Variants in CYREN observed in about 807,000 individuals in gnomAD.
CYREN encodes cell cycle regulator of NHEJ.
Under a neutral mutation model 9.7 loss-of-function variants are expected in CYREN, and 7 were observed. The observed-to-expected ratio is 0.72, with a 90% CI of 0.41 to 1.36. The LOEUF is 1.36. CYREN is among the 40% of genes most tolerant of loss of function. The pLI is 0.01. For synonymous variants in CYREN, 76 were observed against 77.9 expected (o/e 0.98, Z 0.13); for missense variants, 215 against 198.1 (o/e 1.09, Z -0.51).
chr7:135,169,186 C>T, intron 1 of CYREN, 126 bp from the exon 2 acceptor site: 1 of 341,458 alleles, frequency 2.9e-6, no homozygotes, highest in South Asian at 4.0e-5. Context: ...TCACAGGCAT[C>T]AGGCAGGTGT....
chr7:135,159,203 A>C (rs1829867794), intron 2 of CYREN, among the ~76,000 whole-genome samples: 1 of 152,186 alleles, frequency 6.6e-6, no homozygotes, highest in East Asian at 1.9e-4. Flanking sequence ...TCTCCTAGAC[A>C]ATCTGTTCAA....
chr7:135,157,239 T>C (rs1366293254), intron 2 of CYREN, among the ~76,000 whole-genome samples: 1 of 152,232 alleles, frequency 6.6e-6, no homozygotes, highest in Non-Finnish European at 1.5e-5. Context: ...TAAGGGAGAA[T>C]TTTTTCCTGA....
At chr7:135,163,535 C>T (rs1830002216), downstream of CYREN, among the ~76,000 whole-genome samples, 1 of 152,116 alleles carries the variant, frequency 6.6e-6, no homozygotes. Flanking sequence ...GTCCCAGCTA[C>T]TCGGGAGGCT....
At chr7:135,132,476 T>TA (rs1244480842) in intron 2 of CYREN, among the ~76,000 whole-genome samples, 1 of 152,156 alleles carries the variant, frequency 6.6e-6, no homozygotes, top group Non-Finnish European at 1.5e-5. Context: ...CCATCCATGA[T>TA]AAAAAGTCTC....
exon 3 of CYREN, chr7:135,093,542 A>C (rs1445791861): frequency 6.6e-6 from 1 of 152,196 alleles, no homozygotes; most frequent in East Asian, 1.9e-4. Context: ...CTTAGGAATA[A>C]ATTTTACAAA....
At chr7:135,125,522 A>T (rs950526791) in intron 2 of CYREN, among the ~76,000 whole-genome samples, 26 of 152,208 alleles carry the variant, frequency 1.7e-4, no homozygotes, top group African/African-American at 5.8e-4. Context: ...AAAAGGAGGG[A>T]CTCCTCCCTA....
At chr7:135,100,213 G>A (rs1480700700) in intron 2 of CYREN, 1 of 151,676 alleles carries the variant, frequency 6.6e-6, no homozygotes, top group Non-Finnish European at 1.5e-5. Context: ...AAAAACACTG[G>A]TGGCATAAGA....
intron 2 of CYREN, 155 bp from the exon 3 acceptor site, chr7:135,167,962 T>C: frequency 1.5e-6 from 2 of 1,337,442 alleles, no homozygotes; most frequent in Non-Finnish European, 1.0e-6. Flanking sequence ...ACGGACACAA[T>C]TTCCTCAGCC....
At chr7:135,128,796 A>C in intron 2 of CYREN, 2 of 1,210,290 alleles carry the variant, frequency 1.7e-6, no homozygotes, top group Non-Finnish European at 2.4e-6. Flanking sequence ...GATCTGATAC[A>C]GACCAAGAGG....
chr7:135,132,105 T>C (rs1247668286), intron 2 of CYREN, among the ~76,000 whole-genome samples: 5 of 152,148 alleles, frequency 3.3e-5, no homozygotes, highest in Non-Finnish European at 5.9e-5. Flanking sequence ...AAAGGAAGAA[T>C]TAATACCAAT....
intron 2 of CYREN, among the ~76,000 whole-genome samples, chr7:135,154,311 A>G (rs1829734835): frequency 6.6e-6 from 1 of 152,246 alleles, no homozygotes; most frequent in South Asian, 2.1e-4. Context: ...CTAATATATG[A>G]ACTTTTAGTT....
At chr7:135,115,085 C>T (rs1826138983) in intron 2 of CYREN, among the ~76,000 whole-genome samples, 1 of 152,186 alleles carries the variant, frequency 6.6e-6, no homozygotes, top group African/African-American at 2.4e-5. Flanking sequence ...TACTTCCTAA[C>T]TTCCATGAGA....
At chr7:135,171,215 C>T (rs910310487), upstream of CYREN, among the ~76,000 whole-genome samples, 5 of 152,104 alleles carry the variant, frequency 3.3e-5, no homozygotes, top group Non-Finnish European at 7.3e-5. Context: ...GAATGAATTG[C>T]TGTATTAACC....
chr7:135,137,523 G>A (rs1829373819), intron 2 of CYREN, among the ~76,000 whole-genome samples: 1 of 151,750 alleles, frequency 6.6e-6, no homozygotes, highest in Admixed American at 6.6e-5. Flanking sequence ...CCAAACCACA[G>A]ATCCAGAAAG....
chr7:135,101,078 A>G, intron 2 of CYREN: 1 of 400,980 alleles, frequency 2.5e-6, no homozygotes, highest in South Asian at 1.8e-5. Flanking sequence ...AATTTTTTTC[A>G]TCTCCCAAAG....
chr7:135,123,197 C>T (rs1413114214), intron 2 of CYREN, among the ~76,000 whole-genome samples: 1 of 152,156 alleles, frequency 6.6e-6, no homozygotes, highest in Non-Finnish European at 1.5e-5. Flanking sequence ...TAGAGAGGAA[C>T]ATAAATGACC....
chr7:135,100,097 A>G (rs1823583174), intron 2 of CYREN: 1 of 151,686 alleles, frequency 6.6e-6, no homozygotes, highest in African/African-American at 2.4e-5. Context: ...CGTGTTAACC[A>G]GGATGGTCTC....
At chr7:135,148,646 C>A (rs1038775161) in intron 2 of CYREN, among the ~76,000 whole-genome samples, 3 of 152,166 alleles carry the variant, frequency 2.0e-5, no homozygotes, top group African/African-American at 7.2e-5. Flanking sequence ...AATAGGTAAA[C>A]AAAAGCAGGT....
intron 2 of CYREN, among the ~76,000 whole-genome samples, chr7:135,131,590 G>A (rs1426183987): frequency 3.3e-5 from 5 of 151,886 alleles, no homozygotes; most frequent in Non-Finnish European, 7.4e-5. Flanking sequence ...AACTGCATAT[G>A]CTAAAAAATG....
Sources: gnomAD v4.1 joint callset for allele counts (sites outside exome capture counted in the v4.1 genomes callset) on GRCh38, gnomAD v4.1.1 for gene constraint, MANE v1.5 for transcripts, NCBI Gene and HGNC (gene_info 2026-07-23, HGNC 2026-07-21) for gene names.